The following ANTXR2 variants were observed in gnomAD, a reference collection of about 807,000 sequenced individuals.
ANTXR2 encodes the protein ANTXR cell adhesion molecule 2.
ANTXR2 carries 44 observed loss-of-function variants against 73.7 expected under a neutral mutation model. The ratio of observed to expected loss-of-function variants is 0.60; its 90% CI spans 0.47 to 0.77. The LOEUF (loss-of-function observed/expected upper bound fraction) is 0.77. Among genes scored for constraint, ANTXR2 ranks in the 30% least tolerant of loss-of-function variants. The pLI, the probability that ANTXR2 is intolerant of heterozygous loss-of-function variation, is 0.00. For synonymous variants in ANTXR2, 217 were observed against 205.9 expected, an observed-to-expected ratio of 1.05 and a Z score of -0.46; for missense variants, 604 against 592.5, an observed-to-expected ratio of 1.02 and a Z score of -0.20.
chr4:79,914,574 G>C (rs372243919), intron 16 of ANTXR2, among the ~76,000 whole-genome samples: 3 of 152,040 alleles, frequency 2.0e-5, no homozygotes, highest in Non-Finnish European at 4.4e-5. Flanking sequence ...TATGCAAAAA[G>C]ACCATATGCT....
chr4:80,013,801 C>A (rs568132489), intron 11 of ANTXR2, among the ~76,000 whole-genome samples: 1 of 150,870 alleles, frequency 6.6e-6, no homozygotes, highest in Admixed American at 6.6e-5. Flanking sequence ...CTACCACAGG[C>A]AACAGGAATT....
intron 16 of ANTXR2, among the ~76,000 whole-genome samples, chr4:79,927,050 C>T (rs1019293329): frequency 5.5e-5 from 5 of 91,166 alleles, no homozygotes; most frequent in Admixed American, 2.6e-4. Context: ...TATATATGTG[C>T]GTGTGTGTGT....
intron 14 of ANTXR2, among the ~76,000 whole-genome samples, chr4:79,983,520 A>G (rs1240113309): frequency 6.6e-6 from 1 of 152,166 alleles, no homozygotes; most frequent in Non-Finnish European, 1.5e-5. Context: ...GTAGATAACT[A>G]TTGGATCTTT....
At chr4:79,984,162 T>C (rs765601324) in intron 13 of ANTXR2, among the ~76,000 whole-genome samples, 192 bp from the exon 14 acceptor site, 12 of 152,208 alleles carry the variant, frequency 7.9e-5, no homozygotes, top group Non-Finnish European at 1.3e-4. Context: ...TGAGAACTCC[T>C]TTCCCTCCTC....
At position 80,062,488 on chromosome 4, in the gene ANTXR2, C is replaced by T. The variant is rs186812240; in HGVS notation, c.297-6475G>A. Reference sequence around the variant, plus strand: ...TCATAAAACAGATGTGGGACTTCAGCGAAAGTGACTGCTAACATGTCCATC... The same window carrying T: ...TCATAAAACAGATGTGGGACTTCAGTGAAAGTGACTGCTAACATGTCCATC... On this transcript the variant is annotated intron_variant, in intron 3 of 16. Coordinates refer to ENST00000403729, the MANE Select transcript of ANTXR2 (RefSeq NM_058172.6). Among the ~76,000 whole-genome samples the T allele has an allele frequency of 4.8e-4, 73 of 152,272 alleles. 1 individual carries two copies. The highest frequency in any genetic ancestry group is 1.7e-3 in the African/African-American group (70 of 41,546).
chr4:79,982,095 TGAACTAACA>T (rs1489525824), intron 14 of ANTXR2, among the ~76,000 whole-genome samples: 3 of 152,170 alleles, frequency 2.0e-5, no homozygotes, highest in Admixed American at 6.5e-5. Context: ...ACTGGAATAT[TGAACTAACA>T]AAAATCTGAC....
chr4:79,937,420 G>T (rs1182488159), intron 16 of ANTXR2, among the ~76,000 whole-genome samples: 1 of 152,136 alleles, frequency 6.6e-6, no homozygotes, highest in African/African-American at 2.4e-5. Context: ...TTCATTGAAA[G>T]TTTCACTGTA....
intron 7 of ANTXR2, among the ~76,000 whole-genome samples, chr4:80,049,126 T>TA (rs34198467): frequency 0.62 from 93,952 of 151,166 alleles, 30,002 homozygotes; most frequent in East Asian, 0.95. Context: ...GAGGTATTCT[T>TA]AAAAAAAATG....
At chr4:80,024,340 G>A (rs1459087334) in intron 10 of ANTXR2, among the ~76,000 whole-genome samples, 2 of 152,206 alleles carry the variant, frequency 1.3e-5, no homozygotes, top group African/African-American at 2.4e-5. Flanking sequence ...ATTTGGATAG[G>A]AGGCATTTGG....
intron 16 of ANTXR2, among the ~76,000 whole-genome samples, chr4:79,955,544 T>C (rs1728856335): frequency 1.3e-5 from 2 of 152,266 alleles, no homozygotes; most frequent in Admixed American, 1.3e-4. Context: ...TGTTCAAATA[T>C]TGTTAAGGCC....
At chr4:80,034,704 C>T (rs1034276399) in intron 8 of ANTXR2, among the ~76,000 whole-genome samples, 25 of 152,242 alleles carry the variant, frequency 1.6e-4, no homozygotes, top group Admixed American at 1.5e-3. Flanking sequence ...AGGCTACTTA[C>T]GAGGCCTAAG....
intron 12 of ANTXR2, among the ~76,000 whole-genome samples, chr4:79,998,728 T>C (rs993937697): frequency 6.6e-6 from 1 of 151,912 alleles, no homozygotes; most frequent in Admixed American, 6.6e-5. Context: ...AGGATGGATA[T>C]GAGGAAGGAT....
intron 11 of ANTXR2, 89 bp downstream of exon 11, chr4:80,018,809 T>C (rs1268272283): frequency 3.9e-6 from 4 of 1,026,604 alleles, no homozygotes; most frequent in African/African-American, 3.4e-5. Flanking sequence ...ATCTCCTTTA[T>C]TGTAGTATGC....
chr4:79,958,648 A>G (rs1468769089), intron 16 of ANTXR2, among the ~76,000 whole-genome samples: 1 of 152,126 alleles, frequency 6.6e-6, no homozygotes, highest in East Asian at 1.9e-4. Context: ...GGAAGTAGAC[A>G]CTGGCAAATT....
At position 79,907,141 on chromosome 4, in the gene ANTXR2, T is replaced by C. The variant is rs1286680115; in HGVS notation, c.*288A>G. ...TCCTCTTCTACACATTCAAACAAAC[T>C]TTCTTGTACAAACCATAGTCTGCAG... On this transcript the variant is annotated 3_prime_UTR_variant, in exon 17 of 17. Coordinates refer to ENST00000403729, the MANE Select transcript of ANTXR2 (RefSeq NM_058172.6). The C allele has an allele frequency of 1.8e-5, 8 of 437,822 alleles. No homozygotes were observed. Among genetic ancestry groups the C allele is most frequent in the African/African-American group, 6.3e-5 (3 of 47,710 alleles). The allele number at this position is 437,822 out of a possible 1,614,324, so 27.1% of individuals were successfully genotyped here.
At chr4:79,973,803 G>A (rs575589041) in intron 16 of ANTXR2, among the ~76,000 whole-genome samples, 9 of 152,282 alleles carry the variant, frequency 5.9e-5, no homozygotes, top group African/African-American at 1.9e-4. Context: ...TGGGGGATGG[G>A]GGTGAAGATT....
intron 12 of ANTXR2, among the ~76,000 whole-genome samples, chr4:80,002,070 G>A (rs1417177597): frequency 2.2e-4 from 33 of 151,964 alleles, no homozygotes; most frequent in East Asian, 1.2e-3. Flanking sequence ...TTTAAAGTTC[G>A]TATGGAACCA....
chr4:80,003,600 AATAC>A (rs2110049124), intron 12 of ANTXR2, among the ~76,000 whole-genome samples: 1 of 152,168 alleles, frequency 6.6e-6, no homozygotes, highest in South Asian at 2.1e-4. Context: ...AAATGGACAA[AATAC>A]ATTTAGAGCC....
chr4:79,903,286 CTG>C lies in ANTXR2; in HGVS notation c.*4141_*4142del, dbSNP rs1484010489. On this transcript the variant is annotated 3_prime_UTR_variant, in exon 17 of 17. Transcript: ENST00000403729. ...GCTGGGTCTATGGTCTAGGACCTCT[CTG>C]TTACCTGATTCCTAAGCTAAGACTC... The C allele has an allele frequency of 6.6e-6, 1 of 152,116 alleles. No homozygotes were observed. Among genetic ancestry groups the C allele is most frequent in the Non-Finnish European group, 1.5e-5 (1 of 68,056 alleles). The allele number at this position is 152,116 out of a possible 1,614,324, so 9.4% of individuals were successfully genotyped here. A position where few individuals can be genotyped will look rare whatever the true frequency, so the allele number is the denominator to read the frequency against.
Sources: gnomAD v4.1 joint callset for allele counts (sites outside exome capture counted in the v4.1 genomes callset) on GRCh38, gnomAD v4.1.1 for gene constraint, MANE v1.5 for transcripts, NCBI Gene and HGNC (gene_info 2026-07-23, HGNC 2026-07-21) for gene names.